APBB1IP: variants seen among roughly 807,000 people sequenced by gnomAD.
APBB1IP encodes amyloid beta A4 precursor protein-binding family B member 1-interacting protein.
In APBB1IP, 27 loss-of-function variants were observed where a neutral mutation model predicts 64.9. The ratio of observed to expected loss-of-function variants is 0.42; its 90% CI spans 0.31 to 0.57. The LOEUF (loss-of-function observed/expected upper bound fraction) is 0.57. Among genes scored for constraint, APBB1IP ranks in the 20% least tolerant of loss-of-function variants. APBB1IP has a pLI of 0.20. For synonymous variants in APBB1IP, 392 were observed against 331.0 expected (o/e 1.18, Z -2.00); for missense variants, 812 against 845.5 (o/e 0.96, Z 0.49).
intron 6 of APBB1IP, among the ~76,000 whole-genome samples, chr10:26,510,739 C>T (rs1432498008): frequency 7.4e-6 from 1 of 135,768 alleles, no homozygotes; most frequent in East Asian, 2.0e-4. Context: ...CTGTCTCACA[C>T]ACACACACAC....
At chr10:26,500,078 G>T (rs1025633232) in intron 4 of APBB1IP, among the ~76,000 whole-genome samples, 2 of 151,950 alleles carry the variant, frequency 1.3e-5, no homozygotes, top group African/African-American at 4.8e-5. Context: ...GGACGTAGTG[G>T]CATGCACCTG....
At chr10:26,461,624 C>A (rs1367326295) in intron 2 of APBB1IP, among the ~76,000 whole-genome samples, 1 of 151,682 alleles carries the variant, frequency 6.6e-6, no homozygotes, top group African/African-American at 2.4e-5. Context: ...ATTTGGGGAT[C>A]TAATTGAAGT....
intron 11 of APBB1IP, among the ~76,000 whole-genome samples, chr10:26,542,424 G>T (rs1836708246): frequency 6.6e-6 from 1 of 152,144 alleles, no homozygotes; most frequent in Non-Finnish European, 1.5e-5. Flanking sequence ...CCAAAGTGCT[G>T]GGGTTGCAGG....
chr10:26,457,956 T>A (rs1445516897), intron 2 of APBB1IP, among the ~76,000 whole-genome samples: 2 of 152,248 alleles, frequency 1.3e-5, no homozygotes, highest in Admixed American at 6.5e-5. Context: ...AGAAAACACT[T>A]AAAGCTGGGT....
chr10:26,514,494 T>C (rs1214267058), intron 8 of APBB1IP, among the ~76,000 whole-genome samples: 1 of 152,212 alleles, frequency 6.6e-6, no homozygotes, highest in Non-Finnish European at 1.5e-5. Flanking sequence ...TTCATATTGG[T>C]TCTTCATGTT....
rs760190593 is a variant in APBB1IP, at chr10:26,503,185, G to GC, written c.454-9dup. Reference sequence around the variant, plus strand: ...AATGGACTGTATTGAAGAATATCTTGCCCTTTTCCAGGAAGAGGAAGAAGC... The same window carrying GC: ...AATGGACTGTATTGAAGAATATCTTGCCCCTTTTCCAGGAAGAGGAAGAAGC... On this transcript the variant is annotated splice_polypyrimidine_tract_variant and intron_variant, in intron 5 of 14. Transcript: ENST00000376236. The GC allele has an allele frequency of 7.8e-5, 126 of 1,613,614 alleles. No individual in the cohort carries two copies. The highest frequency in any genetic ancestry group is 1.0e-4 in the Non-Finnish European group (119 of 1,179,770).
chr10:26,517,696 T>A (rs1329557461), intron 8 of APBB1IP, among the ~76,000 whole-genome samples: 1 of 152,256 alleles, frequency 6.6e-6, no homozygotes, highest in Non-Finnish European at 1.5e-5. Flanking sequence ...CTCTCATTCA[T>A]GCTATTGCCC....
intron 2 of APBB1IP, among the ~76,000 whole-genome samples, chr10:26,465,190 C>A (rs1398366281): frequency 6.6e-6 from 1 of 152,066 alleles, no homozygotes; most frequent in Non-Finnish European, 1.5e-5. Context: ...AAAAAACTAC[C>A]CATAGGAAAG....
chr10:26,542,528 A>G (rs1356075987), intron 11 of APBB1IP, among the ~76,000 whole-genome samples: 2 of 152,200 alleles, frequency 1.3e-5, no homozygotes, highest in African/African-American at 2.4e-5. Flanking sequence ...CACACATGTG[A>G]TGCGTTACGG....
At chr10:26,547,279 C>T (rs1836777707) in intron 11 of APBB1IP, among the ~76,000 whole-genome samples, 1 of 151,954 alleles carries the variant, frequency 6.6e-6, no homozygotes, top group Admixed American at 6.6e-5. Context: ...TATATGAGTT[C>T]CTTATATATT....
At chr10:26,564,631 T>C (rs1199298084) in intron 14 of APBB1IP, among the ~76,000 whole-genome samples, 1 of 152,040 alleles carries the variant, frequency 6.6e-6, no homozygotes, top group Non-Finnish European at 1.5e-5. Flanking sequence ...GTAGAAACCC[T>C]GTCTCTACAA....
At chr10:26,534,576 G>T (rs1199683772) in intron 9 of APBB1IP, among the ~76,000 whole-genome samples, 1 of 152,134 alleles carries the variant, frequency 6.6e-6, no homozygotes, top group Non-Finnish European at 1.5e-5. Flanking sequence ...GCTGAAGAGC[G>T]CCCTCTCTCG....
intron 13 of APBB1IP, 60 bp downstream of exon 13, chr10:26,560,904 G>A: frequency 7.7e-7 from 1 of 1,294,502 alleles, no homozygotes; most frequent in Non-Finnish European, 1.1e-6. Flanking sequence ...AGTTCAAAAT[G>A]TATCCAATAC....
chr10:26,515,051 T>TG (rs543390545), intron 8 of APBB1IP, among the ~76,000 whole-genome samples: 1,681 of 150,404 alleles, frequency 0.011, 15 homozygotes, highest in South Asian at 0.029. Context: ...TTTTTTTTTT[T>TG]TTTTGTATTT....
intron 4 of APBB1IP, among the ~76,000 whole-genome samples, chr10:26,498,900 A>G (rs1027268059): frequency 6.6e-5 from 10 of 152,228 alleles, no homozygotes; most frequent in African/African-American, 1.2e-4. Context: ...TTAAATTTGT[A>G]TGGAATTAGA....
At chr10:26,444,610 G>T (rs1032650359) in intron 2 of APBB1IP, among the ~76,000 whole-genome samples, 2 of 152,192 alleles carry the variant, frequency 1.3e-5, no homozygotes, top group African/African-American at 2.4e-5. Flanking sequence ...AAGTCAGCAA[G>T]TTGGAAGGGA....
At chr10:26,540,776 C>T (rs748274073) in intron 10 of APBB1IP, among the ~76,000 whole-genome samples, 4 of 152,110 alleles carry the variant, frequency 2.6e-5, no homozygotes, top group Admixed American at 2.6e-4. Flanking sequence ...CTTCACAGTG[C>T]CTGTTATCCG....
chr10:26,483,208 A>G (rs1239385755), intron 2 of APBB1IP, among the ~76,000 whole-genome samples: 1 of 152,148 alleles, frequency 6.6e-6, no homozygotes, highest in Non-Finnish European at 1.5e-5. Context: ...AAGAGAAGAA[A>G]TACAGCTGAG....
At chr10:26,516,992 A>G (rs766542251) in intron 8 of APBB1IP, among the ~76,000 whole-genome samples, 1 of 152,122 alleles carries the variant, frequency 6.6e-6, no homozygotes, top group Non-Finnish European at 1.5e-5. Context: ...CTCTGGTGAT[A>G]AGGGCTATTT....
Sources: gnomAD v4.1 joint callset for allele counts (sites outside exome capture counted in the v4.1 genomes callset) on GRCh38, gnomAD v4.1.1 for gene constraint, MANE v1.5 for transcripts, NCBI Gene and HGNC (gene_info 2026-07-23, HGNC 2026-07-21) for gene names.